Variants in MYOM2 observed in about 807,000 individuals in gnomAD.
MYOM2 encodes myomesin-2.
In MYOM2, 254 loss-of-function variants were observed where a neutral mutation model predicts 187.6. The ratio of observed to expected loss-of-function variants is 1.35; its 90% CI spans 1.22 to 1.50. The LOEUF is 1.50. MYOM2 is among the 40% of genes most tolerant of loss of function. The pLI is 0.00. For synonymous variants in MYOM2, 981 were observed against 753.8 expected, an observed-to-expected ratio of 1.30 and a Z score of -4.94; for missense variants, 2,796 against 1,924.0, an observed-to-expected ratio of 1.45 and a Z score of -8.48.
At chr8:2,111,133 G>C (rs1012650235) in intron 25 of MYOM2, among the ~76,000 whole-genome samples, 1 of 152,186 alleles carries the variant, frequency 6.6e-6, no homozygotes, top group Non-Finnish European at 1.5e-5. Flanking sequence ...AGCACTTCCT[G>C]CCTGCTGTAT....
intron 28 of MYOM2, among the ~76,000 whole-genome samples, chr8:2,122,994 A>G (rs1797508890): frequency 2.6e-5 from 4 of 152,158 alleles, no homozygotes; most frequent in African/African-American, 7.2e-5. Context: ...GTCTAATTTC[A>G]TGGACTAGAA....
At chr8:2,112,611 T>C (rs1228565986) in intron 25 of MYOM2, among the ~76,000 whole-genome samples, 2 of 151,946 alleles carry the variant, frequency 1.3e-5, no homozygotes, top group African/African-American at 4.8e-5. Context: ...GCAGAAGAAC[T>C]TAGAAACAAT....
chr8:2,093,639 G>A (rs4559266), intron 16 of MYOM2, among the ~76,000 whole-genome samples: 51,255 of 152,028 alleles, frequency 0.34, 8,884 homozygotes, highest in South Asian at 0.43. Context: ...TGCTAATTAA[G>A]TTTTACATAC....
chr8:2,064,347 G>T (rs35645898), intron 6 of MYOM2, among the ~76,000 whole-genome samples: 1 of 152,084 alleles, frequency 6.6e-6, no homozygotes, highest in Admixed American at 6.5e-5. Flanking sequence ...AGGTGAGACA[G>T]CGGGAACCAT....
Position 2,050,868 on chromosome 8 carries a change from A to C in MYOM2, c.102A>C (p.Ser34=), listed in dbSNP as rs367682760. The change falls in exon 2 of 37, where the codon TCA becomes TCC. Residue 34 remains serine, a synonymous_variant. Coordinates refer to ENST00000262113, the MANE Select transcript of MYOM2 (RefSeq NM_003970.4). ...GGTACCTGCTGGACGAATATGCGTC[A>C]AAAAAGTAAGCTGACATTCGCTGAT... ...QTRYLLDEYA[S]KKRASTQASS... 6.2e-7 allele frequency: 1 copy of C among 1,607,890 alleles called. No individual in the cohort carries two copies.
chr8:2,108,710 G>T (rs1796971382), intron 23 of MYOM2, 76 bp from the exon 24 acceptor site: 1 of 1,406,154 alleles, frequency 7.1e-7, no homozygotes, highest in African/African-American at 1.4e-5. Flanking sequence ...TCTTGCTCGT[G>T]TGTCGCCTTG....
At chr8:2,077,747 C>G (rs918818452) in intron 11 of MYOM2, among the ~76,000 whole-genome samples, 1 of 152,138 alleles carries the variant, frequency 6.6e-6, no homozygotes, top group Non-Finnish European at 1.5e-5. Context: ...TTACAAAAAG[C>G]GCAAACATGA....
chr8:2,101,053 AG>A lies in MYOM2; in HGVS notation c.2619+1del. 1 of 1,614,058 alleles carries A rather than the reference AG, an allele frequency of 6.2e-7. No individual in the cohort carries two copies. The highest frequency in any genetic ancestry group is 8.5e-7 in the Non-Finnish European group (1 of 1,179,976). ...ACGACAACAGCCAGCCGTTATTTAAAGGTAAGTCTTGGCCGGCTGTGGTGGC... is the reference window on the plus strand; with the variant it reads ...ACGACAACAGCCAGCCGTTATTTAAAGTAAGTCTTGGCCGGCTGTGGTGGC... ...NQTTTASRYL[K>X]VSDLQQGKTY... is the part of the protein sequence containing the mutation. On this transcript the variant is annotated frameshift_variant and splice_region_variant, in exon 20 of 37. Coordinates refer to ENST00000262113, the MANE Select transcript of MYOM2 (RefSeq NM_003970.4). LOFTEE classifies it high-confidence loss of function.
At chr8:2,140,633 G>A in intron 32 of MYOM2, 90 bp from the exon 33 acceptor site, 4 of 1,324,078 alleles carry the variant, frequency 3.0e-6, no homozygotes, top group Non-Finnish European at 4.1e-6. Context: ...CTTAGAGAAG[G>A]CTGTCACAGC....
chr8:2,069,374 C>T lies in MYOM2; in HGVS notation c.742+8C>T. The T allele has an allele frequency of 6.2e-7, 1 of 1,613,900 alleles. No homozygotes were observed. The highest frequency in any genetic ancestry group is 1.1e-5 in the South Asian group (1 of 91,072). ...CGGCGGTGGTGGTGAGAAGTGAGTG[C>T]CGGGTGGGCTTTCACGGGGCACCTC... On this transcript the variant is annotated splice_region_variant and intron_variant, in intron 7 of 36. Transcript: ENST00000262113.
At position 2,076,149 on chromosome 8, in the gene MYOM2, C is replaced by T. The variant is rs1375784526; in HGVS notation, c.1129C>T (p.Pro377Ser). The change falls in exon 11 of 37, where the codon CCG (proline) becomes TCG (serine). Residue 377 changes from proline to serine, a missense_variant. By Grantham distance (74) the Pro-to-Ser change is moderately conservative. Transcript: ENST00000262113. Reference sequence around the variant, plus strand: ...TCTCTCCCTGCCCCAAGATGCTGACCCGCTGGTCACAGGGGCCCCCGGTGC... The same window carrying T: ...TCTCTCCCTGCCCCAAGATGCTGACTCGCTGGTCACAGGGGCCCCCGGTGC... ...SAFLFVRDAD[P>S]LVTGAPGAPM... 6.2e-7 allele frequency: 1 copy of T among 1,611,912 alleles called. No individual in the cohort carries two copies. The highest frequency in any genetic ancestry group is 8.5e-7 in the Non-Finnish European group (1 of 1,179,552).
chr8:2,100,843 C>G, intron 19 of MYOM2, 33 bp from the exon 20 acceptor site: 1 of 1,611,152 alleles, frequency 6.2e-7, no homozygotes, highest in Non-Finnish European at 8.5e-7. Context: ...ACTGGCTATG[C>G]GCGCAGAAAC....
At chr8:2,056,731 C>A (rs1818678400) in intron 3 of MYOM2, among the ~76,000 whole-genome samples, 1 of 152,118 alleles carries the variant, frequency 6.6e-6, no homozygotes, top group South Asian at 2.1e-4. Context: ...GGGGAGCTCA[C>A]CATTTTCCTA....
chr8:2,095,713 C>A (rs1270035160), intron 17 of MYOM2, among the ~76,000 whole-genome samples: 4 of 152,164 alleles, frequency 2.6e-5, no homozygotes, highest in Non-Finnish European at 5.9e-5. Flanking sequence ...CCGTTCTCGA[C>A]CTGTTAGGAG....
rs148082610 is a variant in MYOM2, at chr8:2,066,967, T to A, written c.654-2311T>A. 5.9e-4 allele frequency among the ~76,000 whole-genome samples: 90 copies of A among 152,326 alleles called. 1 individual carries two copies. Among genetic ancestry groups the A allele is most frequent in the African/African-American group, 2.1e-3 (89 of 41,566 alleles). On this transcript the variant is annotated intron_variant, in intron 6 of 36. Transcript: ENST00000262113. Reference sequence around the variant, plus strand: ...CACGGTGAACTAGAAGATAATGTTCTTGGTTTGAAAATCTACCCAGACTGG... The same window carrying A: ...CACGGTGAACTAGAAGATAATGTTCATGGTTTGAAAATCTACCCAGACTGG...
At chr8:2,097,571 G>C (rs547826370) in intron 18 of MYOM2, among the ~76,000 whole-genome samples, 1 of 152,190 alleles carries the variant, frequency 6.6e-6, no homozygotes, top group Non-Finnish European at 1.5e-5. Flanking sequence ...CTGGAGTGCA[G>C]TGGCACGATC....
intron 28 of MYOM2, among the ~76,000 whole-genome samples, chr8:2,120,111 G>A (rs1163277306): frequency 6.6e-6 from 1 of 152,116 alleles, no homozygotes; most frequent in African/African-American, 2.4e-5. Flanking sequence ...GAGATAGCTC[G>A]TAGTGGCCCA....
At chr8:2,045,487 G>A (rs768287068) in intron 1 of MYOM2, among the ~76,000 whole-genome samples, 6 of 152,224 alleles carry the variant, frequency 3.9e-5, no homozygotes, top group Admixed American at 1.3e-4. Context: ...CCCCCAGTCA[G>A]TGGACTGATG....
chr8:2,100,129 T>TTTCCTTCCTTCTTTCC (rs1796649108), intron 19 of MYOM2, among the ~76,000 whole-genome samples: 5 of 45,574 alleles, frequency 1.1e-4, no homozygotes, highest in Non-Finnish European at 1.8e-4. Flanking sequence ...TCCTTCCTTC[T>TTTCCTTCCTTCTTTCC]TTCCTTCCTT....
Sources: allele counts gnomAD v4.1 joint callset (sites outside exome capture counted in the v4.1 genomes callset), GRCh38; gene constraint gnomAD v4.1.1; transcripts MANE v1.5; gene names NCBI Gene and HGNC (gene_info 2026-07-23, HGNC 2026-07-21).